Variants in ARHGEF9 observed in about 807,000 individuals in gnomAD.
ARHGEF9 encodes Cdc42 guanine nucleotide exchange factor 9, also known as rho guanine nucleotide exchange factor 9.
A neutral mutation model predicts 41.3 loss-of-function variants in ARHGEF9; 2 were observed. The observed-to-expected ratio is 0.05, with a 90% CI of 0.02 to 0.15. ARHGEF9 has a LOEUF of 0.15. Ranked by LOEUF, ARHGEF9 falls within the 10% of genes least tolerant of loss-of-function variation. The pLI is 1.00. For missense variants in ARHGEF9, 225 were observed against 424.7 expected (o/e 0.53, Z 4.13); for synonymous variants, 160 against 154.4 (o/e 1.04, Z -0.27).
At chrX:63,643,759 T>C (rs1471837401) in intron 9 of ARHGEF9, among the ~76,000 whole-genome samples, 25 of 111,079 alleles carry the variant, frequency 2.3e-4, no homozygotes, top group Non-Finnish European at 4.5e-4. Context: ...TTTTTTGCTA[T>C]ACTCAATGAG....
chrX:63,745,658 TA>T (rs781932208), intron 1 of ARHGEF9, among the ~76,000 whole-genome samples: 1 of 111,102 alleles, frequency 9.0e-6, no homozygotes, highest in Admixed American at 9.5e-5. Flanking sequence ...TTCTCACTTG[TA>T]AAAAAAGGAA....
chrX:63,776,122 T>C (rs1394514124), intron 1 of ARHGEF9, among the ~76,000 whole-genome samples: 36 of 110,734 alleles, frequency 3.3e-4, no homozygotes, highest in African/African-American at 1.2e-3. Flanking sequence ...AAAAACCCCT[T>C]TTTCCAAAAT....
At chrX:63,652,541 G>A (rs1208264020) in intron 8 of ARHGEF9, among the ~76,000 whole-genome samples, 2 of 110,807 alleles carry the variant, frequency 1.8e-5, no homozygotes, top group African/African-American at 3.3e-5. Flanking sequence ...TGATATGCAC[G>A]GGAGTCCTGG....
chrX:63,685,875 T>C, intron 4 of ARHGEF9, among the ~76,000 whole-genome samples: 1 of 111,840 alleles, frequency 8.9e-6, no homozygotes, highest in Non-Finnish European at 1.9e-5. Flanking sequence ...ACCGTTATGA[T>C]TTTGAGATAG....
At chrX:63,660,497 A>G (rs1556340302) in intron 7 of ARHGEF9, among the ~76,000 whole-genome samples, 1 of 111,456 alleles carries the variant, frequency 9.0e-6, no homozygotes, top group African/African-American at 3.3e-5. Flanking sequence ...GCAACATGCA[A>G]TTTACCTACG....
At chrX:63,664,667 C>A (rs1251444177) in intron 7 of ARHGEF9, among the ~76,000 whole-genome samples, 5 of 112,169 alleles carry the variant, frequency 4.5e-5, no homozygotes, top group African/African-American at 1.6e-4. Flanking sequence ...CATAAAAGTT[C>A]TCTGTTTGAG....
In ARHGEF9 at chrX:63,679,103, T is replaced by C. The variant is rs1227557110; in HGVS notation, c.583-531A>G. On this transcript the variant is annotated intron_variant, in intron 4 of 9. Transcript: ENST00000671741. ...GTGTTTAGAGGTAAGGAATCTAAGA[T>C]GTATGCAAGTTAAAACACTAATGGC... 3.6e-5 allele frequency among the ~76,000 whole-genome samples: 4 copies of C among 111,940 alleles called. No individual in the cohort carries two copies. In the Admixed American group the frequency reaches 3.8e-4, roughly 11 times the overall value.
rs1180843947 is a variant in ARHGEF9 at position 63,655,777 on chromosome X, G to A, written c.1078-40C>T. The A allele has an allele frequency of 1.1e-5, 13 of 1,195,813 alleles. 1 individual carries two copies. The highest frequency in any genetic ancestry group is 7.1e-5 in the South Asian group (4 of 56,494). ...AGAGGTTTCTTGAAGGTATGTGCACGGCGAGTACTAGAAGAGTTGGCACAG... is the reference window on the plus strand; with the variant it reads ...AGAGGTTTCTTGAAGGTATGTGCACAGCGAGTACTAGAAGAGTTGGCACAG... On this transcript the variant is annotated intron_variant, in intron 7 of 9. Coordinates refer to ENST00000671741, the MANE Select transcript of ARHGEF9 (RefSeq NM_001353921.2).
chrX:63,663,667 T>C (rs1316290033), intron 7 of ARHGEF9, among the ~76,000 whole-genome samples: 1 of 111,504 alleles, frequency 9.0e-6, no homozygotes, highest in Non-Finnish European at 1.9e-5. Context: ...AGTCCATTCC[T>C]CCCAGCTCTA....
chrX:63,693,679 G>T (rs1602428428), intron 4 of ARHGEF9, among the ~76,000 whole-genome samples: 1 of 94,371 alleles, frequency 1.1e-5, no homozygotes, highest in African/African-American at 4.0e-5. Context: ...TTTAATAAAA[G>T]AACTCTCAAA....
At chrX:63,687,416 A>T (rs1301613366) in intron 4 of ARHGEF9, among the ~76,000 whole-genome samples, 14 of 111,713 alleles carry the variant, frequency 1.3e-4, no homozygotes, top group African/African-American at 4.6e-4. Context: ...CAAGCCAGAC[A>T]GTGAAGACTG....
intron 1 of ARHGEF9, among the ~76,000 whole-genome samples, chrX:63,732,621 C>G (rs2054376019): frequency 9.0e-6 from 1 of 111,423 alleles, no homozygotes. Flanking sequence ...CCCACTATCT[C>G]AAAGCTCTCC....
intron 4 of ARHGEF9, among the ~76,000 whole-genome samples, chrX:63,683,329 C>A (rs1556371648): frequency 9.0e-6 from 1 of 111,297 alleles, no homozygotes; most frequent in African/African-American, 3.3e-5. Context: ...CCAAAACACC[C>A]TGATGAAAGA....
rs1330960420 is a variant in ARHGEF9 at position 63,665,952 on chromosome X, C to T, written c.1011G>A (p.Gln337=). 4.1e-6 allele frequency: 5 copies of T among 1,208,505 alleles called. No individual in the cohort carries two copies. In the African/African-American group the frequency reaches 8.8e-5, roughly 21 times the overall value. Residue 337 remains glutamine (Q), a synonymous_variant, in exon 7 of 10, where the codon CAG becomes CAA. Transcript: ENST00000671741. ...CCCGCTGCTGGTTGCGGCCGTAGGG[C>T]TGGTAGATCCAGGCCATCTCCCCAG... ...IYTGEMAWIY[Q]PYGRNQQRVF...
intron 3 of ARHGEF9, among the ~76,000 whole-genome samples, chrX:63,704,034 A>C (rs2052369516): frequency 8.9e-6 from 1 of 111,758 alleles, no homozygotes; most frequent in Admixed American, 9.5e-5. Context: ...TGAAAGTCAT[A>C]GAGGCAAGGA....
At chrX:63,755,266 G>T (rs2055891891) in intron 1 of ARHGEF9, 2 of 924,499 alleles carry the variant, frequency 2.2e-6, no homozygotes, top group Non-Finnish European at 2.7e-6. Context: ...CGGGACTTGC[G>T]CTGGCGTGCT....
rs782093227 is a variant in ARHGEF9, at chrX:63,636,625, G to T, written c.*1403C>A. On this transcript the variant is annotated 3_prime_UTR_variant, in exon 10 of 10. Transcript: ENST00000671741. ...AATACCAAAAATCCTCCTGTGCTAG[G>T]ATGGCAGGAGAAAGAAGAAAGAGAG... The T allele has an allele frequency of 3.9e-6, 1 of 256,352 alleles. No individual in the cohort carries two copies. Among genetic ancestry groups the T allele is most frequent in the African/African-American group, 2.8e-5 (1 of 35,412 alleles). 21.1% of individuals were successfully genotyped at this position (256,352 alleles called of 1,213,427 possible).
chrX:63,767,388 G>A, intron 1 of ARHGEF9: 1 of 468,090 alleles, frequency 2.1e-6, no homozygotes, highest in South Asian at 2.5e-5. Flanking sequence ...ACTGGGAGCT[G>A]CTATTTTATA....
chrX:63,780,162 G>A (rs2056357731), intron 1 of ARHGEF9, among the ~76,000 whole-genome samples: 1 of 112,074 alleles, frequency 8.9e-6, no homozygotes, highest in South Asian at 3.8e-4. Context: ...GGATGATAGA[G>A]GAGAAAAGTC....
Sources: allele counts gnomAD v4.1 joint callset (sites outside exome capture counted in the v4.1 genomes callset), GRCh38; gene constraint gnomAD v4.1.1; transcripts MANE v1.5; gene names NCBI Gene and HGNC (gene_info 2026-07-23, HGNC 2026-07-21).